Variants in NTM observed in about 807,000 individuals in gnomAD.
NTM encodes the protein neurotrimin, also known as IgLON family member 2.
A neutral mutation model predicts 42.1 loss-of-function variants in NTM; 13 were observed. That is an observed-to-expected ratio of 0.31 (90% CI 0.20 to 0.49). The LOEUF (loss-of-function observed/expected upper bound fraction) is 0.49. Among genes scored for constraint, NTM ranks in the 20% least tolerant of loss-of-function variants. The probability of loss-of-function intolerance (pLI) is 0.99; values close to 1 mark genes in which losing one functional copy is unlikely to be tolerated. For missense variants in NTM, 373 were observed against 452.8 expected, an observed-to-expected ratio of 0.82 and a Z score of 1.60; for synonymous variants, 187 against 179.2, an observed-to-expected ratio of 1.04 and a Z score of -0.35.
At chr11:131,632,799 C>T (rs1211611146) in intron 1 of NTM, among the ~76,000 whole-genome samples, 1 of 149,752 alleles carries the variant, frequency 6.7e-6, no homozygotes, top group Non-Finnish European at 1.5e-5. Context: ...CTCAGCCTCC[C>T]GTGTAGCTGG....
At chr11:131,516,143 T>C (rs1258307224) in intron 1 of NTM, among the ~76,000 whole-genome samples, 1 of 152,260 alleles carries the variant, frequency 6.6e-6, no homozygotes, top group East Asian at 1.9e-4. Context: ...AATCAATGTT[T>C]GATTTCTGAA....
intron 1 of NTM, among the ~76,000 whole-genome samples, chr11:131,770,513 GGT>G (rs1565525966): frequency 1.8e-4 from 27 of 152,296 alleles, no homozygotes; most frequent in Admixed American, 1.8e-3. Flanking sequence ...AGAGGAATTA[GGT>G]GTTTCCTTTC....
intron 1 of NTM, among the ~76,000 whole-genome samples, chr11:131,910,262 T>C (rs2054515994): frequency 6.6e-6 from 1 of 152,226 alleles, no homozygotes; most frequent in Non-Finnish European, 1.5e-5. Context: ...AAGGTGCATG[T>C]ATGCATGCTG....
rs144097610 is a variant in NTM, at chr11:131,696,299, G to A, written c.83-215265G>A. On this transcript the variant is annotated intron_variant, in intron 1 of 8. Coordinates refer to ENST00000683400, the MANE Select transcript of NTM (RefSeq NM_001352005.2). ...GAAGGAGAGTTGAGTGCAAGTCCGG[G>A]AAAACAAGGCTTGATGATATGCTTT... Among the ~76,000 whole-genome samples, 820 of 152,268 alleles carry A rather than the reference G, an allele frequency of 5.4e-3. 4 individuals carry two copies. The highest frequency in any genetic ancestry group is 0.01 in the Admixed American group (153 of 15,292).
chr11:131,812,388 T>C (rs2136321116), intron 1 of NTM, among the ~76,000 whole-genome samples: 1 of 152,310 alleles, frequency 6.6e-6, no homozygotes, highest in Middle Eastern at 3.4e-3. Flanking sequence ...GGCATGAGGA[T>C]AGACCCTAGG....
intron 2 of NTM, among the ~76,000 whole-genome samples, chr11:131,967,732 G>A (rs2134626257): frequency 6.6e-6 from 1 of 152,284 alleles, no homozygotes; most frequent in East Asian, 1.9e-4. Flanking sequence ...TTGAGGCATG[G>A]CAATGCTTGA....
intron 1 of NTM, among the ~76,000 whole-genome samples, chr11:131,821,162 C>G (rs1295468191): frequency 2.0e-5 from 3 of 152,110 alleles, no homozygotes; most frequent in Non-Finnish European, 4.4e-5. Context: ...AATTACTTCC[C>G]CCTAGTTTCT....
At chr11:131,690,752 T>G (rs1419076590) in intron 1 of NTM, among the ~76,000 whole-genome samples, 1 of 152,182 alleles carries the variant, frequency 6.6e-6, no homozygotes, top group Non-Finnish European at 1.5e-5. Context: ...GCCCACATCC[T>G]TGGGGAACAA....
intron 2 of NTM, among the ~76,000 whole-genome samples, chr11:132,005,057 C>A (rs2070447609): frequency 6.6e-6 from 1 of 152,096 alleles, no homozygotes; most frequent in South Asian, 2.1e-4. Context: ...GGCTCAGGAT[C>A]AGTGCAGGGA....
At chr11:131,493,970 C>T (rs1955068892) in intron 1 of NTM, among the ~76,000 whole-genome samples, 1 of 152,042 alleles carries the variant, frequency 6.6e-6, no homozygotes, top group Non-Finnish European at 1.5e-5. Context: ...CCTCAAATAC[C>T]TTTTATTCTT....
chr11:131,497,597 C>G (rs984516107), intron 1 of NTM, among the ~76,000 whole-genome samples: 1 of 152,172 alleles, frequency 6.6e-6, no homozygotes, highest in Non-Finnish European at 1.5e-5. Context: ...GCAGCTTTGA[C>G]CAGAGTGTAG....
intron 1 of NTM, among the ~76,000 whole-genome samples, chr11:131,817,506 C>T (rs1476160274): frequency 3.9e-5 from 6 of 152,182 alleles, no homozygotes; most frequent in Admixed American, 2.0e-4. Flanking sequence ...TACAACTGGG[C>T]ACCTCAGGGG....
At chr11:131,910,614 C>T (rs1394679774) in intron 1 of NTM, among the ~76,000 whole-genome samples, 1 of 150,660 alleles carries the variant, frequency 6.6e-6, no homozygotes. Context: ...CCGCGCGCGT[C>T]GGGGCTGCTC....
chr11:131,472,693 T>C (rs1236616916), intron 1 of NTM, among the ~76,000 whole-genome samples: 1 of 152,224 alleles, frequency 6.6e-6, no homozygotes, highest in Admixed American at 6.5e-5. Context: ...AAAAAGCTGA[T>C]GGGTGTTTGA....
chr11:132,067,808 A>T (rs931672831), intron 2 of NTM, among the ~76,000 whole-genome samples: 1 of 152,120 alleles, frequency 6.6e-6, no homozygotes, highest in Non-Finnish European at 1.5e-5. Context: ...TTTTTTCATG[A>T]AGGGTAGCAC....
At chr11:132,111,642 G>A (rs1012939593) in intron 2 of NTM, among the ~76,000 whole-genome samples, 2 of 152,228 alleles carry the variant, frequency 1.3e-5, no homozygotes, top group African/African-American at 2.4e-5. Context: ...AGGAAGATCA[G>A]TGAAAGTTTA....
chr11:131,910,749 C>A, intron 1 of NTM: 1 of 830,256 alleles, frequency 1.2e-6, no homozygotes, highest in Non-Finnish European at 1.5e-6. Context: ...CGGTCCGCTC[C>A]CGCCGCCCGG....
chr11:131,827,112 A>G (rs906725134), intron 1 of NTM, among the ~76,000 whole-genome samples: 2 of 152,194 alleles, frequency 1.3e-5, no homozygotes, highest in Admixed American at 1.3e-4. Flanking sequence ...TGATGAATTG[A>G]AGCTATTATT....
intron 2 of NTM, among the ~76,000 whole-genome samples, chr11:132,144,308 G>A (rs1040973016): frequency 4.6e-5 from 7 of 152,180 alleles, no homozygotes; most frequent in African/African-American, 9.7e-5. Flanking sequence ...CAGACCTACT[G>A]AATCAGCATC....
Sources: allele counts gnomAD v4.1 joint callset (sites outside exome capture counted in the v4.1 genomes callset), GRCh38; gene constraint gnomAD v4.1.1; transcripts MANE v1.5; gene names NCBI Gene and HGNC (gene_info 2026-07-23, HGNC 2026-07-21).